The following DPYD variants were observed in gnomAD, a reference collection of about 807,000 sequenced individuals.
DPYD encodes dihydropyrimidine dehydrogenase [NADP(+)].
Under a neutral mutation model 116.2 loss-of-function variants are expected in DPYD, and 109 were observed. That is an observed-to-expected ratio of 0.94 (90% CI 0.80 to 1.10). DPYD has a LOEUF of 1.10. Among genes scored for constraint, DPYD ranks in the 50% least tolerant of loss-of-function variants. The pLI, the probability that DPYD is intolerant of heterozygous loss-of-function variation, is 0.00. For synonymous variants in DPYD, 440 were observed against 432.0 expected (o/e 1.02, Z -0.23); for missense variants, 1,302 against 1,254.5 (o/e 1.04, Z -0.57).
chr1:97,317,881 A>G (rs1667958695), intron 16 of DPYD, among the ~76,000 whole-genome samples: 1 of 152,040 alleles, frequency 6.6e-6, no homozygotes, highest in African/African-American at 2.4e-5. Flanking sequence ...TCCCTTGGCA[A>G]TGAATGGTTC....
At chr1:97,126,920 TC>T (rs1570504476) in intron 20 of DPYD, among the ~76,000 whole-genome samples, 1 of 152,220 alleles carries the variant, frequency 6.6e-6, no homozygotes, top group Non-Finnish European at 1.5e-5. Context: ...GCCTGGGCAG[TC>T]CTTTATTCAT....
rs932949741 is a variant in DPYD, at chr1:97,619,044, A to G, written c.851-23878T>C. On this transcript the variant is annotated intron_variant, in intron 8 of 22. Transcript: ENST00000370192. The stretch of plus-strand genomic sequence containing the variant: ...TTGTTTCTATTTGATGTGGATATCC[A>G]CCAGACTGTAAATGGGGATAATATA... Among the ~76,000 whole-genome samples, 8 of 152,244 alleles carry G rather than the reference A, an allele frequency of 5.3e-5. No individual in the cohort carries two copies. The South Asian group carries it at 6.2e-4, about 12-fold the overall frequency.
intron 12 of DPYD, among the ~76,000 whole-genome samples, chr1:97,545,080 T>C (rs1050531073): frequency 1.3e-5 from 2 of 152,112 alleles, no homozygotes; most frequent in Admixed American, 1.3e-4. Context: ...TTTTAAGAGA[T>C]AGAATAAGAA....
At chr1:97,227,369 A>AG (rs1661253775) in intron 19 of DPYD, among the ~76,000 whole-genome samples, 1 of 149,578 alleles carries the variant, frequency 6.7e-6, no homozygotes. Flanking sequence ...AAAGAAAGAA[A>AG]AAAGAAAGAA....
intron 3 of DPYD, among the ~76,000 whole-genome samples, chr1:97,779,681 C>T (rs1175838737): frequency 6.6e-6 from 1 of 151,886 alleles, no homozygotes; most frequent in Non-Finnish European, 1.5e-5. Context: ...TATTTTTTAT[C>T]TTTATCAAGT....
At chr1:97,719,165 C>CAAAA (rs1005459699) in intron 5 of DPYD, among the ~76,000 whole-genome samples, 28 of 48,072 alleles carry the variant, frequency 5.8e-4, no homozygotes, top group African/African-American at 8.5e-4. Context: ...CCAACCCTGC[C>CAAAA]AAAAAAAAAA....
chr1:97,474,927 C>T (rs1557737511), intron 13 of DPYD, among the ~76,000 whole-genome samples: 1 of 151,788 alleles, frequency 6.6e-6, no homozygotes, highest in Non-Finnish European at 1.5e-5. Context: ...AAAATTATAT[C>T]TTATATCTAT....
At chr1:97,667,071 C>A (rs1659605593) in intron 8 of DPYD, among the ~76,000 whole-genome samples, 1 of 152,162 alleles carries the variant, frequency 6.6e-6, no homozygotes, top group African/African-American at 2.4e-5. Flanking sequence ...TCTAAGACTG[C>A]TTTCATACTA....
chr1:97,349,473 T>A lies in DPYD; in HGVS notation c.2058+24088A>T, dbSNP rs949305634. On this transcript the variant is annotated intron_variant, in intron 16 of 22. Coordinates refer to ENST00000370192, the MANE Select transcript of DPYD (RefSeq NM_000110.4). ...AACTCGTCATTTAGCATTTGGTATA[T>A]CTCCTAATGCTATCCCTCGCCCCTG... 2.6e-4 allele frequency among the ~76,000 whole-genome samples: 39 copies of A among 152,250 alleles called. 1 individual carries two copies. The highest frequency in any genetic ancestry group is 8.9e-4 in the African/African-American group (37 of 41,566).
intron 1 of DPYD, among the ~76,000 whole-genome samples, chr1:97,898,046 G>C (rs753334203): frequency 2.1e-4 from 32 of 151,844 alleles, no homozygotes; most frequent in Non-Finnish European, 2.7e-4. Flanking sequence ...TTTGTGAGGA[G>C]GGAATCAAGC....
In DPYD at chr1:97,688,144, A is replaced by C. The variant is rs369337348; in HGVS notation, c.762+3573T>G. Among the ~76,000 whole-genome samples the C allele has an allele frequency of 1.4e-4, 22 of 152,344 alleles. No individual in the cohort carries two copies. In the South Asian group the frequency reaches 4.6e-3, roughly 32 times the overall value. ...CTGGAACGTAAAATAAAATAAAATAAAACTAAATTTAAAAAAGAGACTAAC... is the reference window on the plus strand; with the variant it reads ...CTGGAACGTAAAATAAAATAAAATACAACTAAATTTAAAAAAGAGACTAAC... On this transcript the variant is annotated intron_variant, in intron 7 of 22. Transcript: ENST00000370192.
chr1:97,355,796 A>T (rs1670399642), intron 16 of DPYD, among the ~76,000 whole-genome samples: 1 of 152,174 alleles, frequency 6.6e-6, no homozygotes, highest in Non-Finnish European at 1.5e-5. Context: ...CATTGTGTAT[A>T]TATACCATAT....
At chr1:97,429,618 C>T (rs1281163340) in intron 14 of DPYD, among the ~76,000 whole-genome samples, 1 of 151,988 alleles carries the variant, frequency 6.6e-6, no homozygotes, top group Non-Finnish European at 1.5e-5. Context: ...TTAGTTTCCA[C>T]ATTTGTAAAG....
chr1:97,443,505 G>A (rs777588059), intron 14 of DPYD, among the ~76,000 whole-genome samples: 1 of 152,160 alleles, frequency 6.6e-6, no homozygotes, highest in African/African-American at 2.4e-5. Flanking sequence ...GCATGGGACT[G>A]TGTAGAAATC....
At chr1:97,817,967 C>G (rs544302973) in intron 3 of DPYD, among the ~76,000 whole-genome samples, 1 of 152,000 alleles carries the variant, frequency 6.6e-6, no homozygotes, top group Non-Finnish European at 1.5e-5. Context: ...TCTAGAGTAA[C>G]GACTTAGCTC....
chr1:97,145,334 G>C (rs1270411354), intron 20 of DPYD, among the ~76,000 whole-genome samples: 1 of 152,114 alleles, frequency 6.6e-6, no homozygotes, highest in East Asian at 1.9e-4. Context: ...TGTGATGCAG[G>C]GGAGACACTC....
chr1:97,387,643 G>C (rs1672428964), intron 14 of DPYD, among the ~76,000 whole-genome samples: 1 of 152,048 alleles, frequency 6.6e-6, no homozygotes, highest in African/African-American at 2.4e-5. Context: ...AGCTCCCTGA[G>C]TTGAAAACTG....
chr1:97,708,762 T>G (rs1359468733), intron 5 of DPYD, among the ~76,000 whole-genome samples: 1 of 152,028 alleles, frequency 6.6e-6, no homozygotes, highest in Non-Finnish European at 1.5e-5. Context: ...AGTCTTCTAT[T>G]TGGAAACCCG....
At chr1:97,555,865 C>A (rs1380643948) in intron 11 of DPYD, among the ~76,000 whole-genome samples, 1 of 152,134 alleles carries the variant, frequency 6.6e-6, no homozygotes, top group Non-Finnish European at 1.5e-5. Context: ...TCTCTATTAC[C>A]AGCCACTCTC....
Sources: gnomAD v4.1 joint callset for allele counts (sites outside exome capture counted in the v4.1 genomes callset) on GRCh38, gnomAD v4.1.1 for gene constraint, MANE v1.5 for transcripts, NCBI Gene and HGNC (gene_info 2026-07-23, HGNC 2026-07-21) for gene names.